The following SLC14A2 variants were observed in gnomAD, a reference collection of about 807,000 sequenced individuals.
SLC14A2 encodes solute carrier family 14 member 2, also known as urea transporter 2.
Under a neutral mutation model 104.6 loss-of-function variants are expected in SLC14A2, and 91 were observed. The observed-to-expected ratio is 0.87, with a 90% CI of 0.73 to 1.04. SLC14A2 has a LOEUF of 1.04. SLC14A2 is among the 50% of genes least tolerant of loss of function. The probability of loss-of-function intolerance (pLI) is 0.00; values close to 1 mark genes in which losing one functional copy is unlikely to be tolerated. For missense variants in SLC14A2, 1,189 were observed against 1,156.0 expected (o/e 1.03, Z -0.41); for synonymous variants, 476 against 466.4 (o/e 1.02, Z -0.27).
intron 1 of SLC14A2, among the ~76,000 whole-genome samples, chr18:45,345,544 G>A (rs924694463): frequency 6.6e-6 from 1 of 152,088 alleles, no homozygotes; most frequent in African/African-American, 2.4e-5. Flanking sequence ...TAGTCCTCAG[G>A]CAAACCTCTC....
At chr18:45,676,260 G>T (rs1415292875) in intron 18 of SLC14A2, among the ~76,000 whole-genome samples, 1 of 152,182 alleles carries the variant, frequency 6.6e-6, no homozygotes, top group Non-Finnish European at 1.5e-5. Flanking sequence ...GCCACTCTAG[G>T]CTCTCTTAGT....
chr18:45,247,652 A>T (rs1275501965), intron 1 of SLC14A2, among the ~76,000 whole-genome samples: 1 of 151,532 alleles, frequency 6.6e-6, no homozygotes, highest in East Asian at 1.9e-4. Flanking sequence ...TGGACCAATT[A>T]TAGAATCTTA....
At position 45,660,314 on chromosome 18, in the gene SLC14A2, A is replaced by T. The variant is rs563431409; in HGVS notation, c.1352-3471A>T. Among the ~76,000 whole-genome samples, 10 of 152,244 alleles carry T rather than the reference A, an allele frequency of 6.6e-5. No homozygotes were observed. In the East Asian group the frequency reaches 1.9e-3, roughly 29 times the overall value. On this transcript the variant is annotated intron_variant, in intron 10 of 19. Transcript: ENST00000255226. ...CAAGAACATATGATTAACTCTTAGC[A>T]AGGTAAGAGTCAATGCAGGTAGGTG...
intron 1 of SLC14A2, among the ~76,000 whole-genome samples, chr18:45,262,427 C>T (rs80105216): frequency 0.02 from 2,972 of 152,128 alleles, 154 homozygotes; most frequent in East Asian, 0.18. Flanking sequence ...GCAATCACAC[C>T]GCAGGGATTC....
chr18:45,632,345 G>T lies in SLC14A2; in HGVS notation c.522-5G>T, dbSNP rs1211619151. The stretch of plus-strand genomic sequence containing the variant: ...AAATGCAAAATCAGTCTGTTTCACC[G>T]CCAGGTCTGCCATTGCCTCAGGACT... On this transcript the variant is annotated splice_region_variant and splice_polypyrimidine_tract_variant and intron_variant, in intron 4 of 19. Transcript: ENST00000255226. 2 of 1,609,232 alleles carry T rather than the reference G, an allele frequency of 1.2e-6. No individual in the cohort carries two copies. The highest frequency in any genetic ancestry group is 2.7e-5 in the African/African-American group (2 of 74,502).
chr18:45,307,803 T>C (rs536945311), intron 1 of SLC14A2, among the ~76,000 whole-genome samples: 1 of 152,360 alleles, frequency 6.6e-6, no homozygotes, highest in African/African-American at 2.4e-5. Context: ...CCAACATTTA[T>C]TGAATGCTAT....
intron 1 of SLC14A2, among the ~76,000 whole-genome samples, chr18:45,309,432 C>T (rs1199912465): frequency 6.6e-6 from 1 of 152,020 alleles, no homozygotes; most frequent in Non-Finnish European, 1.5e-5. Flanking sequence ...TCAAGCAATC[C>T]TCTTTCCTTG....
At chr18:45,301,046 A>T (rs1349503542) in intron 1 of SLC14A2, among the ~76,000 whole-genome samples, 2 of 152,204 alleles carry the variant, frequency 1.3e-5, no homozygotes, top group Non-Finnish European at 2.9e-5. Flanking sequence ...TGATGATGCG[A>T]CTTCCTATAT....
intron 2 of SLC14A2, among the ~76,000 whole-genome samples, chr18:45,595,746 C>A (rs190252972): frequency 1.3e-5 from 2 of 152,296 alleles, no homozygotes; most frequent in Non-Finnish European, 1.5e-5. Flanking sequence ...CATGGCCTGG[C>A]AGGTGCTAGG....
intron 1 of SLC14A2, among the ~76,000 whole-genome samples, chr18:45,464,870 C>T (rs1470883040): frequency 6.6e-6 from 1 of 152,140 alleles, no homozygotes; most frequent in African/African-American, 2.4e-5. Context: ...TAATTGCCGG[C>T]AGCAGGAGAG....
At chr18:45,658,580 CAA>C (rs36007266) in intron 10 of SLC14A2, among the ~76,000 whole-genome samples, 511 of 136,182 alleles carry the variant, frequency 3.8e-3, no homozygotes, top group Non-Finnish European at 5.6e-3. Flanking sequence ...AACTCCAACT[CAA>C]AAAAAAAAAA....
At chr18:45,494,523 A>G (rs935038596) in intron 2 of SLC14A2, among the ~76,000 whole-genome samples, 2 of 151,996 alleles carry the variant, frequency 1.3e-5, no homozygotes, top group Non-Finnish European at 2.9e-5. Context: ...TCAGCCTCCC[A>G]AGTAGCTGGG....
At position 45,599,499 on chromosome 18, in the gene SLC14A2, A is replaced by G. The variant is rs376230916; in HGVS notation, c.-34-25132A>G. 7.9e-5 allele frequency among the ~76,000 whole-genome samples: 12 copies of G among 152,380 alleles called. 1 individual carries two copies. The highest frequency in any genetic ancestry group is 2.9e-4 in the African/African-American group (12 of 41,590). On this transcript the variant is annotated intron_variant, in intron 2 of 20. Transcript: ENST00000586448. Reference sequence around the variant, plus strand: ...AATTTAAAGAAGTCAGTCAGGACTTAGGAAGTGAGCAGACAATTCTGTTTT... The same window carrying G: ...AATTTAAAGAAGTCAGTCAGGACTTGGGAAGTGAGCAGACAATTCTGTTTT...
intron 2 of SLC14A2, among the ~76,000 whole-genome samples, chr18:45,574,825 G>C (rs76268869): frequency 0.061 from 9,216 of 152,158 alleles, 303 homozygotes; most frequent in African/African-American, 0.077. Flanking sequence ...CTCTTCCCAC[G>C]CTTGGCTCCA....
At chr18:45,640,793 C>T (rs1373434906) in intron 7 of SLC14A2, among the ~76,000 whole-genome samples, 1 of 152,230 alleles carries the variant, frequency 6.6e-6, no homozygotes, top group Non-Finnish European at 1.5e-5. Flanking sequence ...TATCATTCCT[C>T]TATCTACATA....
intron 1 of SLC14A2, among the ~76,000 whole-genome samples, chr18:45,320,567 A>G: frequency 6.6e-6 from 1 of 152,050 alleles, no homozygotes; most frequent in East Asian, 1.9e-4. Flanking sequence ...AGTGCATTGC[A>G]CTGACCTTGC....
intron 1 of SLC14A2, among the ~76,000 whole-genome samples, chr18:45,251,780 C>T (rs754013927): frequency 6.6e-6 from 1 of 152,192 alleles, no homozygotes; most frequent in African/African-American, 2.4e-5. Context: ...TTTAAAGACT[C>T]TATCTCCAAA....
chr18:45,665,900 G>T (rs2046014744), intron 11 of SLC14A2, among the ~76,000 whole-genome samples: 1 of 151,952 alleles, frequency 6.6e-6, no homozygotes. Flanking sequence ...CTTGTAAAAT[G>T]CCCTGTTTAT....
At chr18:45,666,094 T>C in intron 11 of SLC14A2, 43 bp from the exon 12 acceptor site, 1 of 1,344,964 alleles carries the variant, frequency 7.4e-7, no homozygotes, top group South Asian at 1.2e-5. Flanking sequence ...GGTGCCAGAG[T>C]AGAGGTGTCC....
Sources: allele counts gnomAD v4.1 joint callset (sites outside exome capture counted in the v4.1 genomes callset), GRCh38; gene constraint gnomAD v4.1.1; transcripts MANE v1.5; gene names NCBI Gene and HGNC (gene_info 2026-07-23, HGNC 2026-07-21).